The following GLG1 variants were observed in gnomAD, a reference collection of about 807,000 sequenced individuals.
GLG1 encodes the protein Golgi apparatus protein 1.
A neutral mutation model predicts 160.5 loss-of-function variants in GLG1; 38 were observed. The ratio of observed to expected loss-of-function variants is 0.24; its 90% confidence interval spans 0.18 to 0.31. The LOEUF is 0.31. Among genes scored for constraint, GLG1 ranks in the 10% least tolerant of loss-of-function variants. The probability of loss-of-function intolerance (pLI) is 1.00; values close to 1 mark genes in which losing one functional copy is unlikely to be tolerated. For missense variants in GLG1, 1,373 were observed against 1,505.2 expected, an observed-to-expected ratio of 0.91 and a Z score of 1.45; for synonymous variants, 644 against 543.4, an observed-to-expected ratio of 1.19 and a Z score of -2.57.
intron 2 of GLG1, among the ~76,000 whole-genome samples, chr16:74,523,845 G>A (rs1017518591): frequency 6.6e-6 from 1 of 151,768 alleles, no homozygotes; most frequent in East Asian, 1.9e-4. Flanking sequence ...AAATTCTTTT[G>A]GATTTTCTAT....
chr16:74,585,316 C>T (rs548769710), intron 1 of GLG1, among the ~76,000 whole-genome samples: 4 of 151,594 alleles, frequency 2.6e-5, no homozygotes, highest in Admixed American at 2.0e-4. Flanking sequence ...GACTGAGGCA[C>T]GAGAATCACT....
chr16:74,606,531 G>A (rs2143936553), intron 1 of GLG1, 126 bp downstream of exon 1: 2 of 744,808 alleles, frequency 2.7e-6, no homozygotes, highest in East Asian at 2.8e-5. Flanking sequence ...AGCAAAGAGG[G>A]AAGGAGCGAG....
chr16:74,518,951 G>C (rs2017069471), intron 2 of GLG1, among the ~76,000 whole-genome samples: 1 of 152,134 alleles, frequency 6.6e-6, no homozygotes, highest in Non-Finnish European at 1.5e-5. Flanking sequence ...TCTAGAACTA[G>C]AAATACCATT....
rs1243007960 is a variant in GLG1 at position 74,449,621 on chromosome 16, T to G, written c.*3546A>C. 6.6e-6 allele frequency: 1 copy of G among 152,234 alleles called. No homozygotes were observed. The highest frequency in any genetic ancestry group is 6.5e-5 in the Admixed American group (1 of 15,284). The allele number at this position is 152,234 out of a possible 1,614,324, so 9.4% of individuals were successfully genotyped here. A position where few individuals can be genotyped will look rare whatever the true frequency, so the allele number is the denominator to read the frequency against. On this transcript the variant is annotated 3_prime_UTR_variant, in exon 26 of 26. Transcript: ENST00000422840. ...CACCCTGGCCAGCTGAGTGACTCAC[T>G]GTTCCCAAGAAGAGTAAGGACAGCA...
intron 15 of GLG1, among the ~76,000 whole-genome samples, chr16:74,470,340 T>C: frequency 1.5e-5 from 2 of 129,850 alleles, no homozygotes; most frequent in African/African-American, 5.8e-5. Flanking sequence ...CTTCTTTCCT[T>C]CCCTCCTTCC....
chr16:74,548,362 A>T, intron 1 of GLG1, among the ~76,000 whole-genome samples: 1 of 152,236 alleles, frequency 6.6e-6, no homozygotes, highest in East Asian at 1.9e-4. Context: ...TCAAATGAAA[A>T]ATCCTTGGTT....
rs2015770263 is a variant in GLG1 at position 74,485,889 on chromosome 16, G to A, written c.1478C>T (p.Pro493Leu). 5 of 1,611,810 alleles carry A rather than the reference G, an allele frequency of 3.1e-6. No individual in the cohort carries two copies. Among genetic ancestry groups the A allele is most frequent in the South Asian group, 1.1e-5 (1 of 90,922 alleles). ...ALQTLIQETDPGADYRIDRAL... is the reference protein window; with the variant it reads ...ALQTLIQETDLGADYRIDRAL... Reference sequence around the variant, plus strand: ...TCGATCAATGCGGTAATCTGCACCAGGGTCAGTCTCCTGAATCAGTGTTTG... The same window carrying A: ...TCGATCAATGCGGTAATCTGCACCAAGGTCAGTCTCCTGAATCAGTGTTTG... The change falls in exon 9 of 26, where the codon CCT becomes CTT. Residue 493 changes from proline to leucine, a missense_variant. By Grantham distance (98) the Pro-to-Leu change is moderately conservative. Around this residue, in one of 4 missense-constraint regions of GLG1, gnomAD observed 386 missense variants for 388.5 expected, o/e 0.99. Transcript: ENST00000422840.
Position 74,606,822 on chromosome 16 carries a change from A to G in GLG1, c.273T>C (p.Pro91=), listed in dbSNP as rs1040953838. 1 of 1,603,906 alleles carries G rather than the reference A, an allele frequency of 6.2e-7. No homozygotes were observed. Among genetic ancestry groups the G allele is most frequent in the Admixed American group, 1.7e-5 (1 of 58,348 alleles). Residue 91 remains proline (P), a synonymous_variant, in exon 1 of 26, where the codon CCT becomes CCC. Transcript: ENST00000422840. ...GGGCCGGAGGCCCACCCGCCGGGAAAGGCGGCTGCGGCGGCTGAGGCTGCT... is the reference window on the plus strand; with the variant it reads ...GGGCCGGAGGCCCACCCGCCGGGAAGGGCGGCTGCGGCGGCTGAGGCTGCT... ...QQQQPQPPQP[P]FPAGGPPARR...
chr16:74,602,357 A>C (rs763315319), intron 1 of GLG1, among the ~76,000 whole-genome samples: 1 of 152,228 alleles, frequency 6.6e-6, no homozygotes, highest in East Asian at 1.9e-4. Context: ...TATACATTTA[A>C]ATACAAAAAC....
chr16:74,505,488 G>C (rs1374337794), intron 3 of GLG1, among the ~76,000 whole-genome samples: 2 of 152,170 alleles, frequency 1.3e-5, no homozygotes, highest in Non-Finnish European at 2.9e-5. Context: ...GGAAGACCGA[G>C]GGGGGTGGAT....
intron 1 of GLG1, among the ~76,000 whole-genome samples, chr16:74,587,424 A>G (rs1325627044): frequency 6.6e-6 from 1 of 152,226 alleles, no homozygotes. Context: ...TGTACTGAGA[A>G]TGGTCACAGG....
intron 6 of GLG1, 113 bp downstream of exon 6, chr16:74,494,647 C>G: frequency 1.9e-6 from 1 of 514,596 alleles, no homozygotes; most frequent in Non-Finnish European, 3.7e-6. Flanking sequence ...CCTCGTGATC[C>G]ACCTGCCTCA....
At chr16:74,502,492 T>TA (rs2016441233) in intron 4 of GLG1, among the ~76,000 whole-genome samples, 1 of 152,110 alleles carries the variant, frequency 6.6e-6, no homozygotes, top group Admixed American at 6.5e-5. Context: ...TCACATATCT[T>TA]AAAATTTTCT....
chr16:74,452,785 A>G lies in GLG1; in HGVS notation c.*382T>C. ...AAGCCTGGAGGAGATGCGTTACTATATACATTTTTTTCTTTAAAAAAATTT... is the reference window on the plus strand; with the variant it reads ...AAGCCTGGAGGAGATGCGTTACTATGTACATTTTTTTCTTTAAAAAAATTT... On this transcript the variant is annotated 3_prime_UTR_variant, in exon 26 of 26. Coordinates refer to ENST00000422840, the MANE Select transcript of GLG1 (RefSeq NM_001145667.2). The G allele has an allele frequency of 1.0e-6, 1 of 995,680 alleles. No homozygotes were observed. Among genetic ancestry groups the G allele is most frequent in the Non-Finnish European group, 1.2e-6 (1 of 835,768 alleles). The allele number at this position is 995,680 out of a possible 1,614,324, so 61.7% of individuals were successfully genotyped here. A position where few individuals can be genotyped will look rare whatever the true frequency, so the allele number is the denominator to read the frequency against.
chr16:74,565,287 T>A (rs1223583744), intron 1 of GLG1, among the ~76,000 whole-genome samples: 6 of 152,260 alleles, frequency 3.9e-5, no homozygotes, highest in South Asian at 4.1e-4. Context: ...CGAGATTTTA[T>A]GACTACACCC....
chr16:74,535,973 T>A lies in GLG1; in HGVS notation c.439-3820A>T, dbSNP rs528236368. Reference sequence around the variant, plus strand: ...ACGAAATATAAAATACAAAGGAGTATTTTATACTACCCGGGGAATGGTGGG... The same window carrying A: ...ACGAAATATAAAATACAAAGGAGTAATTTATACTACCCGGGGAATGGTGGG... On this transcript the variant is annotated intron_variant, in intron 1 of 25. Transcript: ENST00000422840. Among the ~76,000 whole-genome samples the A allele has an allele frequency of 7.9e-5, 12 of 152,196 alleles. No individual in the cohort carries two copies. In the East Asian group the frequency reaches 2.3e-3, roughly 29 times the overall value.
At position 74,606,642 on chromosome 16, in the gene GLG1, G is replaced by C. The variant is rs917456711; in HGVS notation, c.438+15C>G. On this transcript the variant is annotated intron_variant, in intron 1 of 25. Transcript: ENST00000422840. ...CACCAGGCCTGGCCCTCCCGGCTTC[G>C]TCCCACCTCCTCACCTCCCTCACAT... is the stretch of plus-strand genomic sequence containing the variant. 5 of 1,539,240 alleles carry C rather than the reference G, an allele frequency of 3.2e-6. No homozygotes were observed. In the African/African-American group the frequency reaches 5.5e-5, roughly 17 times the overall value.
intron 1 of GLG1, among the ~76,000 whole-genome samples, chr16:74,595,183 G>T (rs190189443): frequency 2.0e-5 from 3 of 150,050 alleles, no homozygotes; most frequent in Non-Finnish European, 4.4e-5. Context: ...GCAAGAATCC[G>T]TCTCAAAAAA....
At chr16:74,585,464 T>A (rs573920537) in intron 1 of GLG1, among the ~76,000 whole-genome samples, 4 of 152,002 alleles carry the variant, frequency 2.6e-5, no homozygotes, top group African/African-American at 9.7e-5. Context: ...CCCAGCACTT[T>A]GGGAAGCTGA....
Sources: gnomAD v4.1 joint callset for allele counts (sites outside exome capture counted in the v4.1 genomes callset) on GRCh38, gnomAD v4.1.1 for gene constraint, gnomAD v4.1.1 regional missense constraint, MANE v1.5 for transcripts, NCBI Gene and HGNC (gene_info 2026-07-23, HGNC 2026-07-21) for gene names.